DAB1: variants seen among roughly 807,000 people sequenced by gnomAD.
DAB1 encodes the protein disabled homolog 1.
A neutral mutation model predicts 64.6 loss-of-function variants in DAB1; 15 were observed. That is an observed-to-expected ratio of 0.23 (90% CI 0.16 to 0.36). The LOEUF is 0.36. Among genes scored for constraint, DAB1 ranks in the 10% least tolerant of loss-of-function variants. The pLI is 1.00. For synonymous variants in DAB1, 235 were observed against 251.9 expected (o/e 0.93, Z 0.64); for missense variants, 596 against 706.7 (o/e 0.84, Z 1.78).
intron 2 of DAB1, among the ~76,000 whole-genome samples, chr1:57,268,376 TAAAGTGGGCTTCCAATGTGG>T (rs925418851): frequency 2.8e-4 from 43 of 152,242 alleles, no homozygotes; most frequent in African/African-American, 1.0e-3. Context: ...AATTAACATT[TAAAGTGGGCTTCCAATGTGG>T]AAATATTGAT....
At chr1:57,419,272 C>T (rs1290976342) in intron 1 of DAB1, among the ~76,000 whole-genome samples, 2 of 152,180 alleles carry the variant, frequency 1.3e-5, no homozygotes, top group Non-Finnish European at 2.9e-5. Context: ...GTTGCGATGG[C>T]GCCTCTGGGC....
At chr1:57,452,899 G>C (rs1686440431) in intron 7 of DAB1, among the ~76,000 whole-genome samples, 1 of 150,798 alleles carries the variant, frequency 6.6e-6, no homozygotes, top group Admixed American at 6.6e-5. Flanking sequence ...GGGAGGAAGA[G>C]AGGAAGGGAA....
chr1:58,185,660 C>A (rs966785778), intron 4 of DAB1, among the ~76,000 whole-genome samples: 4 of 152,168 alleles, frequency 2.6e-5, no homozygotes, highest in African/African-American at 4.8e-5. Context: ...CTTCAGTAGT[C>A]TCCTGGAAAC....
Position 57,689,234 on chromosome 1 carries a change from C to G in DAB1, n.552-39569G>C, listed in dbSNP as rs1354676283. Among the ~76,000 whole-genome samples the G allele has an allele frequency of 4.6e-5, 7 of 152,064 alleles. No homozygotes were observed. The East Asian group carries it at 9.7e-4, about 21-fold the overall frequency. On this transcript the variant is annotated intron_variant and non_coding_transcript_variant, in intron 6 of 20. Transcript: ENST00000485760. ...TGTCTTGTGAAAGGGGGTAGCAGAC[C>G]AAGGAGGAGGATATTTTACCCCATA...
At chr1:58,274,968 G>T (rs1325622522) in intron 4 of DAB1, among the ~76,000 whole-genome samples, 1 of 151,786 alleles carries the variant, frequency 6.6e-6, no homozygotes, top group Non-Finnish European at 1.5e-5. Context: ...CCGGTCTTCT[G>T]CATCGCTCAC....
intron 1 of DAB1, among the ~76,000 whole-genome samples, chr1:57,325,870 G>C (rs1278384209): frequency 6.6e-6 from 1 of 152,038 alleles, no homozygotes; most frequent in Non-Finnish European, 1.5e-5. Context: ...TTCATTTTCA[G>C]ATCTGTAACC....
At chr1:58,205,346 T>C (rs995091523) in intron 4 of DAB1, among the ~76,000 whole-genome samples, 1 of 152,206 alleles carries the variant, frequency 6.6e-6, no homozygotes, top group African/African-American at 2.4e-5. Flanking sequence ...ACCACCCTCC[T>C]AAGGTCTTTT....
chr1:57,433,851 C>CAAA, intron 7 of DAB1, among the ~76,000 whole-genome samples: 1 of 108,816 alleles, frequency 9.2e-6, no homozygotes, highest in African/African-American at 3.5e-5. Flanking sequence ...GACAGCTCAC[C>CAAA]AAAAAAAAAA....
chr1:58,530,765 T>A, intron 1 of DAB1: 1 of 861,244 alleles, frequency 1.2e-6, no homozygotes. Context: ...CTACATTTTA[T>A]ACATTGAGAC....
At chr1:58,274,777 G>A (rs538299068) in intron 4 of DAB1, among the ~76,000 whole-genome samples, 10 of 152,194 alleles carry the variant, frequency 6.6e-5, no homozygotes, top group Admixed American at 3.3e-4. Context: ...TTCCAGGTGC[G>A]TCCGTCACTC....
chr1:57,674,737 A>G (rs1233623874), intron 6 of DAB1, among the ~76,000 whole-genome samples: 1 of 152,116 alleles, frequency 6.6e-6, no homozygotes, highest in East Asian at 1.9e-4. Context: ...TTATTATTTT[A>G]TTTCTTAATA....
intron 4 of DAB1, among the ~76,000 whole-genome samples, chr1:58,160,321 A>T (rs1655461424): frequency 6.6e-6 from 1 of 152,178 alleles, no homozygotes; most frequent in Non-Finnish European, 1.5e-5. Context: ...AGAGCAGAGT[A>T]GTTCCCTGTT....
intron 6 of DAB1, among the ~76,000 whole-genome samples, chr1:57,697,402 G>A (rs1408825841): frequency 1.0e-5 from 1 of 97,766 alleles, no homozygotes; most frequent in Non-Finnish European, 1.9e-5. Context: ...CACCAAGTCA[G>A]TACAATAAGC....
chr1:57,393,764 C>T (rs1682585062), intron 1 of DAB1, among the ~76,000 whole-genome samples: 1 of 152,186 alleles, frequency 6.6e-6, no homozygotes, highest in Non-Finnish European at 1.5e-5. Context: ...TTTATTGGAA[C>T]ACACTCACTT....
At position 57,072,423 on chromosome 1, in the gene DAB1, G is replaced by C. The variant is rs867910518; in HGVS notation, c.307-9C>G. ...TGATGATGCTGAAGGGCCTATCAGA[G>C]AAAAAAAAGGAAGAACATATTTCAG... On this transcript the variant is annotated splice_polypyrimidine_tract_variant and intron_variant, in intron 4 of 14. Coordinates refer to ENST00000371236, the MANE Select transcript of DAB1 (RefSeq NM_001365792.1). 1 of 1,595,800 alleles carries C rather than the reference G, an allele frequency of 6.3e-7. No homozygotes were observed. The highest frequency in any genetic ancestry group is 1.4e-5 in the African/African-American group (1 of 73,580).
intron 2 of DAB1, among the ~76,000 whole-genome samples, chr1:57,167,337 C>G (rs762953912): frequency 6.6e-6 from 1 of 152,160 alleles, no homozygotes; most frequent in Admixed American, 6.5e-5. Flanking sequence ...CCATCTCACT[C>G]TTTAGTCTCT....
At chr1:58,011,366 C>T (rs1646666117) in intron 5 of DAB1, among the ~76,000 whole-genome samples, 3 of 152,166 alleles carry the variant, frequency 2.0e-5, no homozygotes, top group Admixed American at 2.0e-4. Context: ...AATCCAAACT[C>T]TTCATCTTAA....
chr1:57,961,707 G>C (rs761508707), intron 5 of DAB1, among the ~76,000 whole-genome samples: 2 of 152,122 alleles, frequency 1.3e-5, no homozygotes, highest in Admixed American at 1.3e-4. Flanking sequence ...GGTGGCTCAC[G>C]CCTGTAATCC....
At chr1:57,839,018 T>G (rs772653319) in intron 1 of DAB1, among the ~76,000 whole-genome samples, 6 of 152,122 alleles carry the variant, frequency 3.9e-5, no homozygotes, top group African/African-American at 7.2e-5. Context: ...TAGCTTCATG[T>G]GATCCTCCCA....
Sources: gnomAD v4.1 joint callset for allele counts (sites outside exome capture counted in the v4.1 genomes callset) on GRCh38, gnomAD v4.1.1 for gene constraint, MANE v1.5 for transcripts, NCBI Gene and HGNC (gene_info 2026-07-23, HGNC 2026-07-21) for gene names.